The following ADAMTS9 variants were observed in gnomAD, a reference collection of about 807,000 sequenced individuals.
ADAMTS9 encodes ADAM metallopeptidase with thrombospondin type 1 motif 9.
Under a neutral mutation model 257.1 loss-of-function variants are expected in ADAMTS9, and 107 were observed. The observed-to-expected ratio is 0.42, with a 90% CI of 0.36 to 0.49. The LOEUF is 0.49. Among genes scored for constraint, ADAMTS9 ranks in the 20% least tolerant of loss-of-function variants. The pLI, the probability that ADAMTS9 is intolerant of heterozygous loss-of-function variation, is 0.03. For missense variants in ADAMTS9, 2,353 were observed against 2,469.1 expected, an observed-to-expected ratio of 0.95 and a Z score of 1.00; for synonymous variants, 982 against 880.9, an observed-to-expected ratio of 1.11 and a Z score of -2.03.
At chr3:64,650,967 A>G (rs963663566) in intron 9 of ADAMTS9, 50 bp downstream of exon 9, 3 of 1,539,348 alleles carry the variant, frequency 1.9e-6, no homozygotes, top group African/African-American at 1.4e-5. Flanking sequence ...AGTTCACTAC[A>G]TGTAGGCCAG....
chr3:64,623,512 C>G (rs1295622126), intron 16 of ADAMTS9, among the ~76,000 whole-genome samples: 2 of 152,194 alleles, frequency 1.3e-5, no homozygotes, highest in Admixed American at 6.5e-5. Context: ...GACTTCAAGC[C>G]AGAAACACCC....
intron 3 of ADAMTS9, among the ~76,000 whole-genome samples, chr3:64,680,877 C>G (rs1576189870): frequency 2.0e-5 from 3 of 152,224 alleles, no homozygotes; most frequent in Admixed American, 6.5e-5. Context: ...CTATCATGAC[C>G]TGAATATTAC....
intron 26 of ADAMTS9, among the ~76,000 whole-genome samples, chr3:64,598,075 T>C (rs140725607): frequency 2.3e-3 from 347 of 152,346 alleles, no homozygotes; most frequent in African/African-American, 7.5e-3. Flanking sequence ...GAATACATTT[T>C]GTTGCTAATT....
intron 12 of ADAMTS9, among the ~76,000 whole-genome samples, chr3:64,639,577 C>T (rs566501746): frequency 6.6e-6 from 1 of 151,988 alleles, no homozygotes; most frequent in Non-Finnish European, 1.5e-5. Context: ...TAAAAAAGGC[C>T]AAACACTTCT....
At chr3:64,633,962 T>G (rs908059725) in intron 12 of ADAMTS9, 83 bp from the exon 13 acceptor site, 53 of 1,288,342 alleles carry the variant, frequency 4.1e-5, no homozygotes, top group Middle Eastern at 2.7e-4. Context: ...CATGACTTCC[T>G]GTCTTCTAGA....
intron 27 of ADAMTS9, 77 bp from the exon 28 acceptor site, chr3:64,594,511 T>C: frequency 6.4e-7 from 1 of 1,552,442 alleles, no homozygotes; most frequent in Non-Finnish European, 8.8e-7. Context: ...CCTAATTTCT[T>C]AGCCAAACTC....
At chr3:64,640,641 G>A (rs1700613595) in intron 12 of ADAMTS9, among the ~76,000 whole-genome samples, 2 of 152,304 alleles carry the variant, frequency 1.3e-5, no homozygotes, top group Admixed American at 1.3e-4. Context: ...TGTTCCTATA[G>A]ACTTCTTGGT....
chr3:64,637,921 C>T (rs547265137), intron 12 of ADAMTS9, among the ~76,000 whole-genome samples: 1 of 152,284 alleles, frequency 6.6e-6, no homozygotes, highest in Middle Eastern at 3.4e-3. Context: ...CAATTCTCAA[C>T]ATTTCGAAAC....
At chr3:64,519,403 T>C (rs1031347956) in intron 39 of ADAMTS9, among the ~76,000 whole-genome samples, 1 of 151,820 alleles carries the variant, frequency 6.6e-6, no homozygotes, top group Admixed American at 6.6e-5. Context: ...ATTGAAACAA[T>C]TTTTTCAAAA....
At chr3:64,576,244 C>G (rs1431207945) in intron 28 of ADAMTS9, among the ~76,000 whole-genome samples, 1 of 152,176 alleles carries the variant, frequency 6.6e-6, no homozygotes, top group East Asian at 1.9e-4. Flanking sequence ...CTCAAGAACT[C>G]CTGCGTTTCT....
chr3:64,661,681 A>C (rs1701226778), intron 3 of ADAMTS9, among the ~76,000 whole-genome samples: 1 of 152,190 alleles, frequency 6.6e-6, no homozygotes, highest in Non-Finnish European at 1.5e-5. Flanking sequence ...AATTGAGAAA[A>C]AGACAGTGCC....
chr3:64,541,188 G>A lies in ADAMTS9; in HGVS notation c.5428C>T (p.Arg1810Cys), dbSNP rs577267039. ...TCCTTCCGACATTGGCAGTCATCGC[G>A]CCGGCTCCCGTTATAGGGACATTCT... Reference protein sequence around the residue: ...PTECPYNGSRRDDCQCRKDYT... With the variant: ...PTECPYNGSRCDDCQCRKDYT... Residue 1810 changes from arginine (R) to cysteine (C), a missense_variant, in exon 36 of 40, where the codon CGC becomes TGC. Physicochemically the swap from Arg to Cys is radical, Grantham distance 180 (BLOSUM62 -3). Around this residue, in one of 3 missense-constraint regions of ADAMTS9, gnomAD observed 1,402 missense variants for 1,441.4 expected, o/e 0.97. Transcript: ENST00000498707. 50 of 1,614,156 alleles carry A rather than the reference G, an allele frequency of 3.1e-5. No individual in the cohort carries two copies. Among genetic ancestry groups the A allele is most frequent in the Non-Finnish European group, 1.9e-5 (23 of 1,180,010 alleles).
rs1021253303 is a variant in ADAMTS9, at chr3:64,624,076, G to T, written c.2390-1490C>A. Among the ~76,000 whole-genome samples, 4 of 148,742 alleles carry T rather than the reference G, an allele frequency of 2.7e-5. No homozygotes were observed. The East Asian group carries it at 7.9e-4, about 29-fold the overall frequency. On this transcript the variant is annotated intron_variant, in intron 16 of 39. Coordinates refer to ENST00000498707, the MANE Select transcript of ADAMTS9 (RefSeq NM_182920.2). ...AATGCCAGGGGCAGGAGGGAGGGGGGATGGGGAGATGTTGGTCAAAGATAC... is the reference window on the plus strand; with the variant it reads ...AATGCCAGGGGCAGGAGGGAGGGGGTATGGGGAGATGTTGGTCAAAGATAC...
chr3:64,532,090 T>A (rs990131026), intron 38 of ADAMTS9, among the ~76,000 whole-genome samples: 6 of 152,180 alleles, frequency 3.9e-5, no homozygotes, highest in African/African-American at 1.4e-4. Flanking sequence ...CAGGTGCATT[T>A]AAAAATTCCT....
At position 64,686,125 on chromosome 3, in the gene ADAMTS9, C is replaced by T. The variant is rs967658944; in HGVS notation, c.516+443G>A. Among the ~76,000 whole-genome samples, 15 of 152,354 alleles carry T rather than the reference C, an allele frequency of 9.8e-5. No homozygotes were observed. Among genetic ancestry groups the T allele is most frequent in the African/African-American group, 3.4e-4 (14 of 41,598 alleles). ...CACACACTGAAGGAACTCCCAGTGC[C>T]TTGGGCAGGGGATCCTCAGCCCCAC... On this transcript the variant is annotated intron_variant, in intron 2 of 39. Transcript: ENST00000498707. This position sits in a 1 kb window ranked among gnomAD's most constrained non-coding sequence, Gnocchi z 4.6.
rs763247590 is a variant in ADAMTS9, at chr3:64,533,170, G to A, written c.5714C>T (p.Ser1905Leu). ...AACCCATCTGTAGAACCTTACCGGC[G>A]ACTTCTTGATGTCAGAGACAGCATA... is the stretch of plus-strand genomic sequence containing the variant. Reference protein sequence around the residue: ...GNYAVSDIKKSPDGTRVVGKC... With the variant: ...GNYAVSDIKKLPDGTRVVGKC... The change falls in exon 38 of 40, where the codon TCG (serine) becomes TTG (leucine). Residue 1905 changes from serine to leucine, a missense_variant. By Grantham distance (145) the Ser-to-Leu change is moderately radical (BLOSUM62 -2). Around this residue, in one of 3 missense-constraint regions of ADAMTS9, gnomAD observed 1,402 missense variants for 1,441.4 expected, o/e 0.97. Coordinates refer to ENST00000498707, the MANE Select transcript of ADAMTS9 (RefSeq NM_182920.2). The A allele has an allele frequency of 3.1e-6, 5 of 1,611,934 alleles. No individual in the cohort carries two copies. The highest frequency in any genetic ancestry group is 1.3e-5 in the African/African-American group (1 of 74,966).
chr3:64,598,320 T>A (rs767773223), intron 26 of ADAMTS9, among the ~76,000 whole-genome samples: 100 of 78,770 alleles, frequency 1.3e-3, no homozygotes, highest in Non-Finnish European at 2.0e-3. Flanking sequence ...TCATTTCCTA[T>A]TTTTTTTTTT....
intron 3 of ADAMTS9, among the ~76,000 whole-genome samples, chr3:64,671,154 G>T (rs951820466): frequency 2.0e-5 from 3 of 152,188 alleles, no homozygotes; most frequent in African/African-American, 7.2e-5. Flanking sequence ...AATGGTTAAA[G>T]AAATGGTGAT....
At chr3:64,586,814 C>G (rs753726813) in intron 28 of ADAMTS9, 1 of 152,090 alleles carries the variant, frequency 6.6e-6, no homozygotes, top group Admixed American at 6.6e-5. Context: ...GTCTTTGAAA[C>G]AGAGCCCTGC....
Sources: allele counts gnomAD v4.1 joint callset (sites outside exome capture counted in the v4.1 genomes callset), GRCh38; gene constraint gnomAD v4.1.1; regional missense constraint gnomAD v4.1.1; non-coding constraint Gnocchi (gnomAD v3.1); transcripts MANE v1.5; gene names NCBI Gene and HGNC (gene_info 2026-07-23, HGNC 2026-07-21).